ADCY9: variants seen among roughly 807,000 people sequenced by gnomAD.
ADCY9 encodes adenylate cyclase type 9.
ADCY9 carries 50 observed loss-of-function variants against 101.5 expected under a neutral mutation model. That is an observed-to-expected ratio of 0.49 (90% CI 0.39 to 0.62). The LOEUF is 0.62. Among genes scored for constraint, ADCY9 ranks in the 20% least tolerant of loss-of-function variants. The pLI is 0.00. For synonymous variants in ADCY9, 905 were observed against 769.3 expected, an observed-to-expected ratio of 1.18 and a Z score of -2.92; for missense variants, 1,662 against 1,800.4, an observed-to-expected ratio of 0.92 and a Z score of 1.39.
chr16:3,974,711 C>T lies in ADCY9; in HGVS notation c.2829-1G>A. ...GTCAAGGGGCGAAGTTAATACAGAA[C>T]TGAAATTAAAATGCAGAAAAATATT... On this transcript the variant is annotated splice_acceptor_variant, in intron 9 of 10. Transcript: ENST00000294016. LOFTEE classifies it high-confidence loss of function. 1 of 1,611,992 alleles carries T rather than the reference C, an allele frequency of 6.2e-7. No individual in the cohort carries two copies.
chr16:3,988,608 TCCTTTACCAGGGCAGGTGTGGGGGCC>T (rs2056217294), intron 6 of ADCY9, among the ~76,000 whole-genome samples: 1 of 105,204 alleles, frequency 9.5e-6, no homozygotes, highest in Non-Finnish European at 1.8e-5. Flanking sequence ...TGGGGGGGGT[TCCTTTACCAGGGCAGGTGTGGGGGCC>T]CCTTCCAAGG....
chr16:3,978,373 T>G (rs1403202348), intron 8 of ADCY9, among the ~76,000 whole-genome samples: 1 of 152,138 alleles, frequency 6.6e-6, no homozygotes. Flanking sequence ...AAGGATCATC[T>G]CCCACGGCCG....
chr16:3,989,927 G>C (rs761073943), intron 5 of ADCY9, among the ~76,000 whole-genome samples: 1 of 152,176 alleles, frequency 6.6e-6, no homozygotes, highest in Admixed American at 6.5e-5. Context: ...CGTAATTTTG[G>C]TGCTATTGTC....
intron 5 of ADCY9, among the ~76,000 whole-genome samples, chr16:3,955,568 G>C (rs1408310244): frequency 2.0e-5 from 3 of 151,870 alleles, no homozygotes; most frequent in African/African-American, 7.3e-5. Flanking sequence ...GTTTTAGACG[G>C]AGTCTTGCTC....
rs566557148 is a variant in ADCY9 at position 3,966,647 on chromosome 16, T to C, written c.3190A>G (p.Ile1064Val). ...TCGTAGAACTCGCTGAAGTTGACGA[T>C]GCTGGCGAAGATCACCCCTCCGCTG... ...HDSGGVIFAS[I>V]VNFSEFYEEN... Residue 1064 changes from isoleucine (I) to valine (V), a missense_variant, in exon 11 of 11, where the codon ATC becomes GTC. Ile to Val is a conservative substitution (Grantham distance 29). Coordinates refer to ENST00000294016, the MANE Select transcript of ADCY9 (RefSeq NM_001116.4). The C allele has an allele frequency of 6.2e-6, 10 of 1,614,156 alleles. No individual in the cohort carries two copies. In the East Asian group the frequency reaches 1.1e-4, roughly 18 times the overall value.
intron 9 of ADCY9, 96 bp from the exon 10 acceptor site, chr16:3,974,806 T>A (rs2056080548): frequency 2.0e-6 from 2 of 1,001,732 alleles, no homozygotes; most frequent in Admixed American, 3.8e-5. Flanking sequence ...TGTTCCTTTT[T>A]TAGACGTGGT....
intron 7 of ADCY9, among the ~76,000 whole-genome samples, chr16:3,979,576 T>C (rs2531986): frequency 0.68 from 103,565 of 152,206 alleles, 37,624 homozygotes; most frequent in Non-Finnish European, 0.82. Flanking sequence ...TCACAGGCCC[T>C]GAGGAGAGTC....
chr16:4,107,575 A>AAG (rs1411129624), intron 2 of ADCY9, among the ~76,000 whole-genome samples: 1 of 142,786 alleles, frequency 7.0e-6, no homozygotes, highest in Non-Finnish European at 1.5e-5. Context: ...AAAAAAAAAA[A>AAG]AAAGAATGCA....
At chr16:4,105,482 G>C (rs1179842135) in intron 2 of ADCY9, among the ~76,000 whole-genome samples, 5 of 149,324 alleles carry the variant, frequency 3.3e-5, no homozygotes, top group Non-Finnish European at 7.4e-5. Flanking sequence ...CACCAGCCTG[G>C]CCAACATGGT....
chr16:4,049,942 G>C (rs779656012), intron 2 of ADCY9, among the ~76,000 whole-genome samples: 2 of 152,022 alleles, frequency 1.3e-5, no homozygotes, highest in Middle Eastern at 3.4e-3. Context: ...AGGGTGGGAG[G>C]ACTGCTTGAA....
intron 2 of ADCY9, among the ~76,000 whole-genome samples, chr16:4,052,285 C>A (rs920559850): frequency 1.8e-4 from 28 of 152,208 alleles, no homozygotes; most frequent in Admixed American, 1.8e-3. Context: ...TGGTCCTGGG[C>A]GGGCTCCGGG....
At chr16:3,969,613 T>TATATATATATATATACG (rs1491520639) in intron 10 of ADCY9, among the ~76,000 whole-genome samples, 1 of 81,038 alleles carries the variant, frequency 1.2e-5, no homozygotes, top group African/African-American at 6.7e-5. Flanking sequence ...TATATATGTA[T>TATATATATATATATACG]TTTTTTTTTT....
At chr16:4,030,161 T>G (rs755138057) in intron 2 of ADCY9, among the ~76,000 whole-genome samples, 1 of 152,154 alleles carries the variant, frequency 6.6e-6, no homozygotes, top group African/African-American at 2.4e-5. Flanking sequence ...TTCTAGACAT[T>G]GATTTCGGCC....
chr16:4,060,747 G>A (rs1476990588), intron 2 of ADCY9, among the ~76,000 whole-genome samples: 2 of 152,070 alleles, frequency 1.3e-5, no homozygotes, highest in Non-Finnish European at 2.9e-5. Context: ...TTTGCCAAAG[G>A]TGATCATAAT....
In ADCY9 at chr16:3,989,159, G is replaced by C. The variant is rs1311580150; in HGVS notation, c.2208-63C>G. 5 of 1,258,238 alleles carry C rather than the reference G, an allele frequency of 4.0e-6. No homozygotes were observed. The African/African-American group carries it at 5.9e-5, about 15-fold the overall frequency. 77.9% of individuals were successfully genotyped at this position (1,258,238 alleles called of 1,614,324 possible). A position where few individuals can be genotyped will look rare whatever the true frequency, so the allele number is the denominator to read the frequency against. ...CACCATAACTGTGCCAATGTTTTCA[G>C]ATCATAATTAGCTACCAAAACGCTG... On this transcript the variant is annotated intron_variant, in intron 5 of 10. Coordinates refer to ENST00000294016, the MANE Select transcript of ADCY9 (RefSeq NM_001116.4).
intron 5 of ADCY9, among the ~76,000 whole-genome samples, chr16:3,956,631 C>T (rs1200243090): frequency 6.6e-6 from 1 of 150,748 alleles, no homozygotes; most frequent in Non-Finnish European, 1.5e-5. Flanking sequence ...GCTGGGATTA[C>T]AGGTGCATGC....
At position 3,992,423 on chromosome 16, in the gene ADCY9, CA is replaced by C; in HGVS notation, c.1990-61del. 1 of 1,500,520 alleles carries C rather than the reference CA, an allele frequency of 6.7e-7. No individual in the cohort carries two copies. The highest frequency in any genetic ancestry group is 2.3e-5 in the East Asian group (1 of 44,010). The allele number at this position is 1,500,520 out of a possible 1,614,324, so 93.0% of individuals were successfully genotyped here. On this transcript the variant is annotated intron_variant, in intron 4 of 10. Transcript: ENST00000294016. The surrounding 1 kb of genome is among the most constrained non-coding windows in gnomAD (Gnocchi z 4.2). ...GTGAAGTGGCACCGGGCACTGGGCA[CA>C]CACGCCTGTCCCACCCCGACCTCCG...
chr16:4,068,470 T>C (rs2056813530), intron 2 of ADCY9, among the ~76,000 whole-genome samples: 1 of 152,184 alleles, frequency 6.6e-6, no homozygotes, highest in South Asian at 2.1e-4. Flanking sequence ...CGCTATTTTA[T>C]GGAAAATGAG....
intron 3 of ADCY9, among the ~76,000 whole-genome samples, chr16:3,998,003 A>T (rs146406633): frequency 1.3e-3 from 191 of 152,274 alleles, no homozygotes; most frequent in African/African-American, 4.5e-3. Flanking sequence ...CTGAGGCAGG[A>T]GAGTCGCTTG....
Sources: allele counts gnomAD v4.1 joint callset (sites outside exome capture counted in the v4.1 genomes callset), GRCh38; gene constraint gnomAD v4.1.1; non-coding constraint Gnocchi (gnomAD v3.1); transcripts MANE v1.5; gene names NCBI Gene and HGNC (gene_info 2026-07-23, HGNC 2026-07-21).